Variants in NAA35 observed in about 807,000 individuals in gnomAD.
The protein encoded by NAA35 is MAK10 homolog, amino-acid N-acetyltransferase subunit.
A neutral mutation model predicts 101.7 loss-of-function variants in NAA35; 18 were observed. The ratio of observed to expected loss-of-function variants is 0.18; its 90% CI spans 0.12 to 0.26. NAA35 has a LOEUF of 0.26. Among genes scored for constraint, NAA35 ranks in the 10% least tolerant of loss-of-function variants. The pLI, the probability that NAA35 is intolerant of heterozygous loss-of-function variation, is 1.00. For missense variants in NAA35, 601 were observed against 886.8 expected (o/e 0.68, Z 4.09); for synonymous variants, 267 against 273.1 (o/e 0.98, Z 0.22).
intron 21 of NAA35, among the ~76,000 whole-genome samples, chr9:86,019,533 A>C (rs1160613114): frequency 6.6e-6 from 1 of 152,220 alleles, no homozygotes; most frequent in East Asian, 1.9e-4. Flanking sequence ...TCACCGGAAC[A>C]ACCTTATTCC....
intron 4 of NAA35, among the ~76,000 whole-genome samples, chr9:85,959,158 C>T (rs567109323): frequency 7.8e-4 from 118 of 152,044 alleles, no homozygotes; most frequent in African/African-American, 2.7e-3. Context: ...GGGTGGATCA[C>T]GAGGTCAGGA....
intron 11 of NAA35, among the ~76,000 whole-genome samples, chr9:85,991,877 C>T (rs1260156382): frequency 6.6e-6 from 1 of 151,948 alleles, no homozygotes; most frequent in Non-Finnish European, 1.5e-5. Context: ...AAGTGTCCTT[C>T]TAAAAGAGGT....
chr9:86,007,322 G>A (rs773315168), intron 13 of NAA35, 36 bp from the exon 14 acceptor site: 35 of 1,413,914 alleles, frequency 2.5e-5, no homozygotes, highest in Middle Eastern at 1.8e-4. Context: ...AATTCTGTGC[G>A]TGACACCGTA....
At chr9:85,973,798 G>A (rs1190560770) in intron 6 of NAA35, among the ~76,000 whole-genome samples, 1 of 151,446 alleles carries the variant, frequency 6.6e-6, no homozygotes, top group Non-Finnish European at 1.5e-5. Flanking sequence ...ATACACCTGA[G>A]TTCTTTGAGA....
chr9:85,992,789 G>A (rs1471439945), intron 11 of NAA35, among the ~76,000 whole-genome samples: 2 of 152,218 alleles, frequency 1.3e-5, no homozygotes, highest in African/African-American at 2.4e-5. Flanking sequence ...CTTGAATGAA[G>A]TGTGAGGATT....
chr9:86,016,330 T>C (rs1832222060), intron 17 of NAA35, among the ~76,000 whole-genome samples: 1 of 152,204 alleles, frequency 6.6e-6, no homozygotes, highest in Non-Finnish European at 1.5e-5. Context: ...CATGTATAAT[T>C]ATCAAGAAAT....
At chr9:86,012,091 A>G (rs936548536) in intron 15 of NAA35, among the ~76,000 whole-genome samples, 12 of 149,082 alleles carry the variant, frequency 8.0e-5, no homozygotes, top group African/African-American at 2.5e-4. Context: ...TTTATCAGGC[A>G]TATCACTTTA....
chr9:86,016,494 C>T, intron 17 of NAA35, 45 bp from the exon 18 acceptor site: 4 of 1,566,156 alleles, frequency 2.6e-6, no homozygotes, highest in Non-Finnish European at 3.5e-6. Flanking sequence ...ATAAAGCTGT[C>T]TCATTTAGAC....
chr9:85,965,050 A>G (rs187175587), intron 6 of NAA35, among the ~76,000 whole-genome samples: 56 of 152,326 alleles, frequency 3.7e-4, no homozygotes, highest in African/African-American at 1.3e-3. Context: ...ATCAGTCAGC[A>G]CTTGACATCC....
rs1052900465 is a variant in NAA35 at position 86,024,318 on chromosome 9, C to T, written c.*2358C>T. Among the ~76,000 whole-genome samples the T allele has an allele frequency of 1.6e-4, 24 of 151,842 alleles. No individual in the cohort carries two copies. Among genetic ancestry groups the T allele is most frequent in the African/African-American group, 4.4e-4 (18 of 41,300 alleles). On this transcript the variant is annotated 3_prime_UTR_variant, in exon 23 of 23. Coordinates refer to ENST00000361671, the MANE Select transcript of NAA35 (RefSeq NM_024635.4). ...GGAGGGGAGAGGGTAGCAGCCTGGC[C>T]GAAGTATAGAGCAGGAAAAGGATGG...
intron 17 of NAA35, 139 bp from the exon 18 acceptor site, chr9:86,016,400 A>C: frequency 1.5e-6 from 1 of 658,588 alleles, no homozygotes. Flanking sequence ...ATTTCTTGTA[A>C]GATCTAATCT....
At chr9:85,950,725 A>G (rs1828981387) in intron 2 of NAA35, among the ~76,000 whole-genome samples, 1 of 152,240 alleles carries the variant, frequency 6.6e-6, no homozygotes, top group Non-Finnish European at 1.5e-5. Context: ...AGCAGTTTCC[A>G]AACTTTTCGG....
rs577100623 is a variant in NAA35 at position 86,016,428 on chromosome 9, C to A, written c.1569-111C>A. The stretch of plus-strand genomic sequence containing the variant: ...TCTAATCTATTATCTAATGAATGAT[C>A]TGTTTTTAAAGACCTAAAGCATTAT... On this transcript the variant is annotated intron_variant, in intron 17 of 22. Transcript: ENST00000361671. 6.6e-4 allele frequency: 546 copies of A among 831,018 alleles called. 3 individuals are homozygous for A. Among genetic ancestry groups the A allele is most frequent in the African/African-American group, 1.3e-3 (77 of 58,010 alleles). 51.5% of individuals were successfully genotyped at this position (831,018 alleles called of 1,614,324 possible). A position where few individuals can be genotyped will look rare whatever the true frequency, so the allele number is the denominator to read the frequency against.
intron 1 of NAA35, chr9:85,941,934 T>C: frequency 8.8e-7 from 1 of 1,137,060 alleles, no homozygotes. Flanking sequence ...TTATGGGCCC[T>C]GGTAGGTGGT....
At chr9:85,945,690 T>C (rs1037764843) in intron 2 of NAA35, among the ~76,000 whole-genome samples, 11 of 152,100 alleles carry the variant, frequency 7.2e-5, no homozygotes, top group Admixed American at 1.3e-4. Flanking sequence ...GGCTAATTTT[T>C]TTGTATTTTT....
At chr9:85,987,741 A>C (rs1420076415) in intron 11 of NAA35, among the ~76,000 whole-genome samples, 1 of 152,230 alleles carries the variant, frequency 6.6e-6, no homozygotes, top group Non-Finnish European at 1.5e-5. Context: ...GGGAACACTT[A>C]TAACCAGAAT....
rs376578405 is a variant in NAA35 at position 85,964,783 on chromosome 9, G to A, written c.516+2603G>A. Among the ~76,000 whole-genome samples, 192 of 152,238 alleles carry A rather than the reference G, an allele frequency of 1.3e-3. 4 individuals carry two copies. The South Asian group carries it at 0.034, about 27-fold the overall frequency. ...TGTTTTTCAGGGTGTCACAACTGGA[G>A]GTACACTGTCTGTCTTTCAATGGCG... On this transcript the variant is annotated intron_variant, in intron 6 of 22. Coordinates refer to ENST00000361671, the MANE Select transcript of NAA35 (RefSeq NM_024635.4).
chr9:86,007,890 T>C lies in NAA35; in HGVS notation c.1223+426T>C, dbSNP rs532664147. 5.9e-5 allele frequency among the ~76,000 whole-genome samples: 9 copies of C among 152,232 alleles called. 1 individual carries two copies. The highest frequency in any genetic ancestry group is 3.4e-3 in the Middle Eastern group (1 of 294). ...ACTTACACTTTGTTAAAAAAAAAGA[T>C]ACACCTAACAGTGTATCTTTTTCCA... On this transcript the variant is annotated intron_variant, in intron 14 of 22. Coordinates refer to ENST00000361671, the MANE Select transcript of NAA35 (RefSeq NM_024635.4).
At chr9:85,943,014 A>G (rs945222074) in intron 2 of NAA35, among the ~76,000 whole-genome samples, 15 of 152,102 alleles carry the variant, frequency 9.9e-5, no homozygotes, top group African/African-American at 3.4e-4. Flanking sequence ...ATAATTGTCA[A>G]TTATTTCTTG....
Sources: gnomAD v4.1 joint callset for allele counts (sites outside exome capture counted in the v4.1 genomes callset) on GRCh38, gnomAD v4.1.1 for gene constraint, MANE v1.5 for transcripts, NCBI Gene and HGNC (gene_info 2026-07-23, HGNC 2026-07-21) for gene names.